ZDHHC17: variants seen among roughly 807,000 people sequenced by gnomAD.
ZDHHC17 encodes zDHHC palmitoyltransferase 17.
ZDHHC17 carries 40 observed loss-of-function variants against 90.3 expected under a neutral mutation model. The observed-to-expected ratio is 0.44, with a 90% confidence interval of 0.34 to 0.58. The LOEUF (loss-of-function observed/expected upper bound fraction) is 0.58. Among genes scored for constraint, ZDHHC17 ranks in the 20% least tolerant of loss-of-function variants. The pLI is 0.01. For synonymous variants in ZDHHC17, 235 were observed against 252.4 expected, an observed-to-expected ratio of 0.93 and a Z score of 0.65; for missense variants, 614 against 780.8, an observed-to-expected ratio of 0.79 and a Z score of 2.55.
intron 1 of ZDHHC17, among the ~76,000 whole-genome samples, chr12:76,773,063 G>A (rs1338587545): frequency 1.3e-5 from 2 of 152,064 alleles, no homozygotes; most frequent in Non-Finnish European, 1.5e-5. Flanking sequence ...TCACCATGTT[G>A]GCCAGGCTGG....
rs190316286 is a variant in ZDHHC17, at chr12:76,829,503, G to A, written c.1141+1013G>A. 2.4e-3 allele frequency among the ~76,000 whole-genome samples: 327 copies of A among 137,762 alleles called. 1 individual carries two copies. The highest frequency in any genetic ancestry group is 7.9e-3 in the African/African-American group (293 of 36,982). 90.4% of individuals were successfully genotyped at this position (137,762 alleles called of 152,430 possible). A position where few individuals can be genotyped will look rare whatever the true frequency, so the allele number is the denominator to read the frequency against. On this transcript the variant is annotated intron_variant, in intron 10 of 16. Coordinates refer to ENST00000426126, the MANE Select transcript of ZDHHC17 (RefSeq NM_015336.4). ...AAAAAAAGAACTACCATTTGACTCA[G>A]CCATCTCCATTTTATACTTGAGAAA...
chr12:76,789,132 GA>G (rs1800464240), intron 1 of ZDHHC17, among the ~76,000 whole-genome samples: 1 of 152,160 alleles, frequency 6.6e-6, no homozygotes, highest in African/African-American at 2.4e-5. Flanking sequence ...ACCATGTCAA[GA>G]ACCATAAAAA....
intron 16 of ZDHHC17, among the ~76,000 whole-genome samples, chr12:76,849,835 G>C (rs921389289): frequency 1.3e-5 from 2 of 152,148 alleles, no homozygotes; most frequent in Admixed American, 6.5e-5. Context: ...AAAGCAAGCA[G>C]ACCTTTAAAT....
chr12:76,802,828 C>T (rs902237360), intron 2 of ZDHHC17, among the ~76,000 whole-genome samples: 2 of 152,134 alleles, frequency 1.3e-5, no homozygotes, highest in Admixed American at 1.3e-4. Flanking sequence ...GCAGGTGCTA[C>T]GAGCTTACAT....
At chr12:76,767,683 G>A (rs565826207) in intron 1 of ZDHHC17, among the ~76,000 whole-genome samples, 2 of 152,316 alleles carry the variant, frequency 1.3e-5, no homozygotes, top group African/African-American at 4.8e-5. Flanking sequence ...GTTTAGGGAG[G>A]CCGAGGCGGG....
At chr12:76,768,280 C>T (rs771999979) in intron 1 of ZDHHC17, among the ~76,000 whole-genome samples, 1 of 152,184 alleles carries the variant, frequency 6.6e-6, no homozygotes, top group South Asian at 2.1e-4. Flanking sequence ...AGTTCTAGCT[C>T]AGTGACCTTG....
At chr12:76,795,103 A>G (rs948594699) in intron 1 of ZDHHC17, among the ~76,000 whole-genome samples, 1 of 152,270 alleles carries the variant, frequency 6.6e-6, no homozygotes, top group South Asian at 2.1e-4. Context: ...ATGACAGGCT[A>G]TATTTTGTAT....
At chr12:76,836,129 TA>T (rs1953359295) in intron 10 of ZDHHC17, among the ~76,000 whole-genome samples, 1 of 152,148 alleles carries the variant, frequency 6.6e-6, no homozygotes, top group African/African-American at 2.4e-5. Context: ...AATTGTCTTA[TA>T]ATTTTTTTGT....
intron 2 of ZDHHC17, among the ~76,000 whole-genome samples, chr12:76,801,224 T>C (rs919170760): frequency 2.6e-5 from 4 of 151,250 alleles, no homozygotes; most frequent in Non-Finnish European, 4.4e-5. Flanking sequence ...TTTTTTTCCC[T>C]CTCATTTCCT....
chr12:76,834,520 G>T (rs576757522), intron 10 of ZDHHC17, among the ~76,000 whole-genome samples: 1 of 152,166 alleles, frequency 6.6e-6, no homozygotes, highest in East Asian at 1.9e-4. Flanking sequence ...TAGGTTACTT[G>T]TTAGACTTCT....
At chr12:76,787,050 T>A (rs1432887918) in intron 1 of ZDHHC17, among the ~76,000 whole-genome samples, 2 of 152,194 alleles carry the variant, frequency 1.3e-5, no homozygotes, top group African/African-American at 4.8e-5. Context: ...GATGCAAACA[T>A]TTAAAAAACC....
rs571709684 is a variant in ZDHHC17 at position 76,798,688 on chromosome 12, C to T, written c.197+1151C>T. On this transcript the variant is annotated intron_variant, in intron 2 of 16. Coordinates refer to ENST00000426126, the MANE Select transcript of ZDHHC17 (RefSeq NM_015336.4). ...TCTGCAGGCTGTACAGGAAGCATAG[C>T]GGCTTCTGCTTCTGAGGAGTCTTCA... Among the ~76,000 whole-genome samples, 5 of 152,116 alleles carry T rather than the reference C, an allele frequency of 3.3e-5. No individual in the cohort carries two copies. In the South Asian group the frequency reaches 6.2e-4, roughly 19 times the overall value.
At chr12:76,792,232 A>G (rs1238308634) in intron 1 of ZDHHC17, among the ~76,000 whole-genome samples, 1 of 152,160 alleles carries the variant, frequency 6.6e-6, no homozygotes, top group African/African-American at 2.4e-5. Flanking sequence ...ACCTTTAATG[A>G]ATGACAAAAA....
chr12:76,830,766 G>C (rs1953290689), intron 10 of ZDHHC17, among the ~76,000 whole-genome samples: 1 of 152,144 alleles, frequency 6.6e-6, no homozygotes, highest in Admixed American at 6.5e-5. Context: ...ATGTTAAACT[G>C]TTTCTGTACT....
At chr12:76,775,526 A>G (rs1952549427) in intron 1 of ZDHHC17, among the ~76,000 whole-genome samples, 1 of 152,194 alleles carries the variant, frequency 6.6e-6, no homozygotes, top group South Asian at 2.1e-4. Flanking sequence ...AAATCTAAGT[A>G]AGTCTGTAAA....
In ZDHHC17 at chr12:76,788,123, T is replaced by G. The variant is rs146466474; in HGVS notation, c.94-9311T>G. Reference sequence around the variant, plus strand: ...TAGTAGTTATGCTACACATACATTGTGGGTGGGATAGTAGGTTTTCTATCC... The same window carrying G: ...TAGTAGTTATGCTACACATACATTGGGGGTGGGATAGTAGGTTTTCTATCC... On this transcript the variant is annotated intron_variant, in intron 1 of 16. Coordinates refer to ENST00000426126, the MANE Select transcript of ZDHHC17 (RefSeq NM_015336.4). Among the ~76,000 whole-genome samples the G allele has an allele frequency of 2.9e-4, 44 of 152,306 alleles. 1 individual carries two copies. In the East Asian group the frequency reaches 8.3e-3, roughly 29 times the overall value.
chr12:76,834,912 T>A (rs1291125314), intron 10 of ZDHHC17, among the ~76,000 whole-genome samples: 1 of 152,174 alleles, frequency 6.6e-6, no homozygotes, highest in Non-Finnish European at 1.5e-5. Context: ...ATTACTGTAG[T>A]TTTGTTCTTA....
chr12:76,841,728 T>G (rs1258364173), intron 10 of ZDHHC17, among the ~76,000 whole-genome samples: 9 of 152,094 alleles, frequency 5.9e-5, no homozygotes, highest in Non-Finnish European at 1.2e-4. Context: ...TTCATTTTTG[T>G]CAAAAAATTA....
chr12:76,781,368 T>C (rs1279517900), intron 1 of ZDHHC17, among the ~76,000 whole-genome samples: 1 of 152,182 alleles, frequency 6.6e-6, no homozygotes, highest in Non-Finnish European at 1.5e-5. Context: ...CGACTTGTAT[T>C]TTAATAGGTG....
Sources: gnomAD v4.1 joint callset for allele counts (sites outside exome capture counted in the v4.1 genomes callset) on GRCh38, gnomAD v4.1.1 for gene constraint, MANE v1.5 for transcripts, NCBI Gene and HGNC (gene_info 2026-07-23, HGNC 2026-07-21) for gene names.